Variants in BTD observed in about 807,000 individuals in gnomAD.
BTD encodes biocytinase.
BTD carries 13 observed loss-of-function variants against 17.7 expected under a neutral mutation model. That is an observed-to-expected ratio of 0.74 (90% CI 0.48 to 1.17). The LOEUF (loss-of-function observed/expected upper bound fraction) is 1.17, where lower values mean the gene tolerates loss of function less well. Among genes scored for constraint, BTD ranks in the 50% most tolerant of loss-of-function variants. BTD has a pLI of 0.00. For missense variants in BTD, 674 were observed against 650.4 expected (o/e 1.04, Z -0.39); for synonymous variants, 240 against 245.2 (o/e 0.98, Z 0.20).
In BTD at chr3:15,710,612, T is replaced by C. The variant is rs1453657837; in HGVS notation, c.*538T>C. Among the ~76,000 whole-genome samples the C allele has an allele frequency of 2.0e-5, 3 of 152,354 alleles. No homozygotes were observed. In the East Asian group the frequency reaches 5.8e-4, roughly 29 times the overall value. ...TGCAAAATGTCCTTTTGAGAAATCA[T>C]GAATTAAATGGCTTATCACAGATCT... On this transcript the variant is annotated 3_prime_UTR_variant, in exon 4 of 4. Transcript: ENST00000672141.
chr3:15,635,283 G>T lies in BTD; in HGVS notation c.-16-141G>T, dbSNP rs537629418. On this transcript the variant is annotated intron_variant, in intron 1 of 3. Transcript: ENST00000643237. The surrounding 1 kb of genome is among the most constrained non-coding windows in gnomAD (Gnocchi z 4.1). ...AGAGAAACACATACTCTTTTATTAG[G>T]AACATGAAACAAACTCTTTGAGCCG... 4 of 1,279,902 alleles carry T rather than the reference G, an allele frequency of 3.1e-6. No individual in the cohort carries two copies. The highest frequency in any genetic ancestry group is 2.4e-5 in the South Asian group (2 of 82,282). 79.3% of individuals were successfully genotyped at this position (1,279,902 alleles called of 1,614,324 possible).
chr3:15,715,972 A>C (rs2072962868), downstream of BTD, among the ~76,000 whole-genome samples: 1 of 151,204 alleles, frequency 6.6e-6, no homozygotes, highest in Non-Finnish European at 1.5e-5. Flanking sequence ...TTAATATTTT[A>C]GCTATGGCCT....
At chr3:15,654,804 G>A (rs1292801811), downstream of BTD, among the ~76,000 whole-genome samples, 1 of 151,826 alleles carries the variant, frequency 6.6e-6, no homozygotes, top group Non-Finnish European at 1.5e-5. Context: ...GCATGATCTT[G>A]GCTCACTGCA....
At chr3:15,654,324 C>T (rs560877839), downstream of BTD, among the ~76,000 whole-genome samples, 21 of 152,130 alleles carry the variant, frequency 1.4e-4, no homozygotes, top group African/African-American at 5.1e-4. Flanking sequence ...TGTGGGCAGA[C>T]AGCATTGCAG....
chr3:15,601,968 C>G, intron 1 of BTD, 74 bp downstream of exon 1: 1 of 1,589,588 alleles, frequency 6.3e-7, no homozygotes, highest in Non-Finnish European at 8.6e-7. Flanking sequence ...CCCGGGCGCC[C>G]AGTTGGACTT....
downstream of BTD, among the ~76,000 whole-genome samples, chr3:15,715,188 T>C (rs2126104967): frequency 6.6e-6 from 1 of 152,348 alleles, no homozygotes; most frequent in South Asian, 2.1e-4. Context: ...GTTCCAAATA[T>C]GAAGAAAAAC....
chr3:15,639,022 A>G (rs2065432751), intron 2 of BTD, among the ~76,000 whole-genome samples: 1 of 152,178 alleles, frequency 6.6e-6, no homozygotes. Context: ...ATAGGGGAAA[A>G]ACGGAGTCTA....
chr3:15,709,706 A>G (rs1278164753), intron 3 of BTD: 1 of 1,582,638 alleles, frequency 6.3e-7, no homozygotes, highest in South Asian at 1.2e-5. Flanking sequence ...CTGCACCAGT[A>G]TTCAGCAGAA....
intron 1 of BTD, among the ~76,000 whole-genome samples, chr3:15,632,215 C>A (rs1438918913): frequency 2.0e-5 from 3 of 152,186 alleles, no homozygotes; most frequent in Non-Finnish European, 4.4e-5. Context: ...ACCTTACCAC[C>A]TTCACTGCCT....
intron 3 of BTD, among the ~76,000 whole-genome samples, chr3:15,699,829 A>G (rs1019951123): frequency 1.3e-5 from 2 of 152,232 alleles, no homozygotes; most frequent in Non-Finnish European, 2.9e-5. Flanking sequence ...CAGTGTGGTG[A>G]TTCCTCAAGG....
intron 3 of BTD, chr3:15,697,388 G>C (rs1193346271): frequency 6.6e-6 from 1 of 151,974 alleles, no homozygotes; most frequent in Non-Finnish European, 1.5e-5. Context: ...ATTGCTCAGG[G>C]GACCAGTGCA....
intron 3 of BTD, chr3:15,676,833 A>T: frequency 3.5e-6 from 2 of 569,484 alleles, no homozygotes; most frequent in Non-Finnish European, 5.9e-6. Flanking sequence ...TTTAGAAATG[A>T]GTTTTGACAG....
intron 1 of BTD, among the ~76,000 whole-genome samples, chr3:15,610,360 G>GCTCT (rs1435087768): frequency 3.3e-4 from 50 of 152,304 alleles, no homozygotes; most frequent in African/African-American, 8.9e-4. Context: ...TATGTGCGGT[G>GCTCT]TTTGCTAACA....
At chr3:15,664,291 T>G (rs143937535) in intron 3 of BTD, among the ~76,000 whole-genome samples, 3 of 152,354 alleles carry the variant, frequency 2.0e-5, no homozygotes, top group African/African-American at 7.2e-5. Flanking sequence ...CCTCACATAC[T>G]TTGATACTCT....
chr3:15,698,574 CAA>C (rs920758489), intron 3 of BTD, among the ~76,000 whole-genome samples: 4 of 152,156 alleles, frequency 2.6e-5, no homozygotes, highest in African/African-American at 7.2e-5. Flanking sequence ...GCGAAAATCA[CAA>C]AGATTCCCAT....
chr3:15,695,975 T>C (rs1440511380), intron 3 of BTD, among the ~76,000 whole-genome samples: 2 of 152,136 alleles, frequency 1.3e-5, no homozygotes, highest in African/African-American at 4.8e-5. Context: ...GAATGAGATA[T>C]ATCTTACTAA....
At chr3:15,713,548 G>A (rs372907606), downstream of BTD, 12 of 1,611,500 alleles carry the variant, frequency 7.4e-6, no homozygotes, top group African/African-American at 1.6e-4. Context: ...AGCACCACTT[G>A]TAATAAGAGT....
downstream of BTD, among the ~76,000 whole-genome samples, chr3:15,657,059 A>AT (rs1163751286): frequency 6.6e-6 from 1 of 152,188 alleles, no homozygotes; most frequent in Non-Finnish European, 1.5e-5. Flanking sequence ...GGGCCTCTCC[A>AT]TGTGGTCTTT....
chr3:15,639,379 A>G (rs1048462405), intron 2 of BTD, among the ~76,000 whole-genome samples: 5 of 152,238 alleles, frequency 3.3e-5, no homozygotes, highest in Non-Finnish European at 5.9e-5. Context: ...TATAGAATGA[A>G]TAAAGCTTTT....
Sources: allele counts gnomAD v4.1 joint callset (sites outside exome capture counted in the v4.1 genomes callset), GRCh38; gene constraint gnomAD v4.1.1; non-coding constraint Gnocchi (gnomAD v3.1); transcripts MANE v1.5; gene names NCBI Gene and HGNC (gene_info 2026-07-23, HGNC 2026-07-21).